KIAA1549L: variants seen among roughly 807,000 people sequenced by gnomAD.
KIAA1549L encodes the protein KIAA1549 like, also known as UPF0606 protein KIAA1549L.
A neutral mutation model predicts 160.7 loss-of-function variants in KIAA1549L; 88 were observed. That is an observed-to-expected ratio of 0.55 (90% confidence interval 0.46 to 0.65). The LOEUF (loss-of-function observed/expected upper bound fraction) is 0.65. Ranked by LOEUF, KIAA1549L falls within the 30% of genes least tolerant of loss-of-function variation. The pLI is 0.00. For missense variants in KIAA1549L, 2,258 were observed against 2,437.5 expected, an observed-to-expected ratio of 0.93 and a Z score of 1.55; for synonymous variants, 950 against 976.7, an observed-to-expected ratio of 0.97 and a Z score of 0.51.
At chr11:33,417,816 C>T (rs1186727447) in intron 1 of KIAA1549L, among the ~76,000 whole-genome samples, 1 of 151,404 alleles carries the variant, frequency 6.6e-6, no homozygotes, top group Non-Finnish European at 1.5e-5. Context: ...TTCAGTCTGT[C>T]GCCCAGGCTG....
At chr11:33,453,105 G>A (rs1315686904) in intron 1 of KIAA1549L, among the ~76,000 whole-genome samples, 1 of 152,232 alleles carries the variant, frequency 6.6e-6, no homozygotes, top group East Asian at 1.9e-4. Flanking sequence ...GACTGACATA[G>A]GCGAGCACTG....
chr11:33,562,718 G>A (rs1477697154), intron 8 of KIAA1549L, among the ~76,000 whole-genome samples: 1 of 148,208 alleles, frequency 6.7e-6, no homozygotes, highest in African/African-American at 2.5e-5. Flanking sequence ...CGTTCTCGTG[G>A]CTCAGGCTGG....
chr11:33,483,859 T>C (rs939448353), intron 1 of KIAA1549L, among the ~76,000 whole-genome samples: 3 of 152,340 alleles, frequency 2.0e-5, no homozygotes, highest in Non-Finnish European at 4.4e-5. Flanking sequence ...AAACCTCTTT[T>C]TCTTTATAAA....
In KIAA1549L at chr11:33,598,678, T is replaced by C. The variant is rs1850274139; in HGVS notation, c.4752-142T>C. 5 of 1,064,828 alleles carry C rather than the reference T, an allele frequency of 4.7e-6. No homozygotes were observed. The South Asian group carries it at 5.0e-5, about 11-fold the overall frequency. 66.0% of individuals were successfully genotyped at this position (1,064,828 alleles called of 1,614,324 possible). ...TGTAGTGTGGGTGGTTTTGTTTTTTTCTTTTTCTGTATCGTTTCCTCTTTG... is the reference window on the plus strand; with the variant it reads ...TGTAGTGTGGGTGGTTTTGTTTTTTCCTTTTTCTGTATCGTTTCCTCTTTG... On this transcript the variant is annotated intron_variant, in intron 12 of 20. Transcript: ENST00000658780.
chr11:33,637,158 A>G (rs1329866483), intron 16 of KIAA1549L, among the ~76,000 whole-genome samples: 1 of 152,160 alleles, frequency 6.6e-6, no homozygotes, highest in Non-Finnish European at 1.5e-5. Context: ...TTGTTGGTAA[A>G]GAGTCTTGGC....
At chr11:33,579,460 C>G (rs1392024150) in intron 10 of KIAA1549L, among the ~76,000 whole-genome samples, 1 of 152,164 alleles carries the variant, frequency 6.6e-6, no homozygotes, top group South Asian at 2.1e-4. Context: ...ACCCTCTTCT[C>G]TGTATTATAT....
chr11:33,589,171 C>T (rs1298966232), intron 11 of KIAA1549L, among the ~76,000 whole-genome samples: 1 of 152,170 alleles, frequency 6.6e-6, no homozygotes, highest in Admixed American at 6.5e-5. Flanking sequence ...TGCTCATCAT[C>T]ACTGGCCATC....
At chr11:33,632,192 C>T (rs1851313462) in intron 16 of KIAA1549L, among the ~76,000 whole-genome samples, 2 of 152,178 alleles carry the variant, frequency 1.3e-5, no homozygotes, top group African/African-American at 2.4e-5. Context: ...CCAGTCTGTT[C>T]CTCTGCATTA....
chr11:33,476,978 G>A (rs577282008), intron 1 of KIAA1549L, among the ~76,000 whole-genome samples: 5 of 152,314 alleles, frequency 3.3e-5, no homozygotes, highest in African/African-American at 1.2e-4. Context: ...ACAGTTGGGA[G>A]TTCAACAAAT....
intron 1 of KIAA1549L, among the ~76,000 whole-genome samples, chr11:33,531,335 C>T (rs1041995055): frequency 6.6e-6 from 1 of 152,074 alleles, no homozygotes; most frequent in Non-Finnish European, 1.5e-5. Flanking sequence ...TTTAGCCAGC[C>T]ATGATGGCGG....
At chr11:33,571,048 G>T (rs1197903333) in intron 9 of KIAA1549L, among the ~76,000 whole-genome samples, 1 of 152,220 alleles carries the variant, frequency 6.6e-6, no homozygotes, top group Non-Finnish European at 1.5e-5. Flanking sequence ...ACTTTGGGAG[G>T]CCAAGGCAGG....
At chr11:33,440,679 T>C (rs1851483258) in intron 1 of KIAA1549L, among the ~76,000 whole-genome samples, 1 of 152,218 alleles carries the variant, frequency 6.6e-6, no homozygotes, top group African/African-American at 2.4e-5. Flanking sequence ...CTTTACACAA[T>C]GAACATTAAA....
At chr11:33,619,562 T>A (rs1048362224) in intron 16 of KIAA1549L, among the ~76,000 whole-genome samples, 3 of 152,234 alleles carry the variant, frequency 2.0e-5, no homozygotes, top group African/African-American at 7.2e-5. Flanking sequence ...ATTAGTCATC[T>A]TTTGCCACAA....
chr11:33,591,306 G>T lies in KIAA1549L; in HGVS notation c.4636G>T (p.Val1546Leu). The change falls in exon 12 of 21, where the codon GTG (valine) becomes TTG (leucine). Residue 1546 changes from valine (V) to leucine (L), a missense_variant. Around this residue, in one of 6 missense-constraint regions of KIAA1549L, gnomAD observed 1,359 missense variants for 1,546.6 expected, o/e 0.88. Transcript: ENST00000658780. ...AGGGGCAGATGAGGAGGTCATCCCT[G>T]TGACTCAGGAGACAGTGGTTCTCCC... ...QQGADEEVIP[V>L]TQETVVLPLP... is the part of the protein sequence containing the mutation. 6.2e-7 allele frequency: 1 copy of T among 1,613,672 alleles called. No individual in the cohort carries two copies. The highest frequency in any genetic ancestry group is 8.5e-7 in the Non-Finnish European group (1 of 1,179,628).
Position 33,559,765 on chromosome 11 carries a change from A to C in KIAA1549L, c.3872A>C (p.Asn1291Thr). ...NLTIQIVSTS[N>T]ASQAVTLVYV... ...TTGATTCAGATTGTGAGCACGTCCA[A>C]TGCCTCCCAGGCAGTCACCTTGGTG... is the stretch of plus-strand genomic sequence containing the variant. Residue 1291 changes from asparagine to threonine, a missense_variant, in exon 7 of 21, where the codon AAT (asparagine) becomes ACT (threonine). Asn to Thr is a moderately conservative substitution (Grantham distance 65, BLOSUM62 0). This residue lies in a region of KIAA1549L where 1,359 missense variants were observed against 1,546.6 expected (regional missense o/e 0.88). Transcript: ENST00000658780. 8 of 1,613,792 alleles carry C rather than the reference A, an allele frequency of 5.0e-6. No individual in the cohort carries two copies. The highest frequency in any genetic ancestry group is 1.1e-5 in the South Asian group (1 of 91,074).
chr11:33,463,210 A>T (rs775000258), intron 1 of KIAA1549L, among the ~76,000 whole-genome samples: 1 of 152,288 alleles, frequency 6.6e-6, no homozygotes, highest in East Asian at 1.9e-4. Flanking sequence ...AGCTACATGC[A>T]GTACCATATA....
At position 33,653,705 on chromosome 11, in the gene KIAA1549L, C is replaced by T. The variant is rs947116813; in HGVS notation, c.5761-2307C>T. On this transcript the variant is annotated intron_variant, in intron 17 of 20. Transcript: ENST00000658780. ...TTCCTTCTTCTCTCCTTTGGGACTT[C>T]GGTTAGCTGCATGTTAGACCTGCTC... Among the ~76,000 whole-genome samples, 8 of 152,158 alleles carry T rather than the reference C, an allele frequency of 5.3e-5. No homozygotes were observed. In the South Asian group the frequency reaches 6.2e-4, roughly 12 times the overall value.
chr11:33,551,122 T>C lies in KIAA1549L; in HGVS notation c.3584T>C (p.Val1195Ala), dbSNP rs867683678. ...KGKLVYLPAV[V>A]IEMLGVYGVS... ...AAGTTGGTGTATTTGCCTGCTGTGGTGATCGAAATGCTGGGTGTGTATGGA... is the reference window on the plus strand; with the variant it reads ...AAGTTGGTGTATTTGCCTGCTGTGGCGATCGAAATGCTGGGTGTGTATGGA... The change falls in exon 5 of 21, where the codon GTG becomes GCG. Residue 1195 changes from valine (V) to alanine (A), a missense_variant. By Grantham distance (64) the Val-to-Ala change is moderately conservative. Coordinates refer to ENST00000658780, the MANE Select transcript of KIAA1549L (RefSeq NM_012194.3). The C allele has an allele frequency of 6.2e-7, 1 of 1,614,010 alleles. No homozygotes were observed. Among genetic ancestry groups the C allele is most frequent in the Non-Finnish European group, 8.5e-7 (1 of 1,179,868 alleles).
Position 33,598,895 on chromosome 11 carries a change from G to A in KIAA1549L, c.4827G>A (p.Gln1609=). The stretch of plus-strand genomic sequence containing the variant: ...CCAGCTCAGGGAGACGCTCACCCCA[G>A]AATGTAATGGCACAGCAGAAAGTGA... The part of the protein sequence containing the change: ...GKPSSGRRSP[Q]NVMAQQKVTK... Residue 1609 remains glutamine, a synonymous_variant, in exon 13 of 21, where the codon CAG becomes CAA. Coordinates refer to ENST00000658780, the MANE Select transcript of KIAA1549L (RefSeq NM_012194.3). 4 of 1,613,902 alleles carry A rather than the reference G, an allele frequency of 2.5e-6. No homozygotes were observed. The highest frequency in any genetic ancestry group is 3.4e-6 in the Non-Finnish European group (4 of 1,179,846).
Sources: gnomAD v4.1 joint callset for allele counts (sites outside exome capture counted in the v4.1 genomes callset) on GRCh38, gnomAD v4.1.1 for gene constraint, gnomAD v4.1.1 regional missense constraint, MANE v1.5 for transcripts, NCBI Gene and HGNC (gene_info 2026-07-23, HGNC 2026-07-21) for gene names.